Variants in TCF4 observed in about 807,000 individuals in gnomAD.
TCF4 encodes the protein SL3-3 enhancer factor 2.
In TCF4, 3 loss-of-function variants were observed where a neutral mutation model predicts 82.1. The observed-to-expected ratio is 0.04, with a 90% CI of 0.02 to 0.09. The LOEUF is 0.09. TCF4 is among the 10% of genes least tolerant of loss of function. TCF4 has a pLI of 1.00. For missense variants in TCF4, 518 were observed against 852.7 expected (o/e 0.61, Z 4.89); for synonymous variants, 276 against 309.6 (o/e 0.89, Z 1.14).
chr18:55,509,340 C>T (rs1399790245), intron 3 of TCF4, among the ~76,000 whole-genome samples: 14 of 152,060 alleles, frequency 9.2e-5, no homozygotes, highest in Admixed American at 9.2e-4. Context: ...GACAGACACA[C>T]ACACACACAC....
chr18:55,633,883 A>C lies in TCF4; in HGVS notation c.195+1820T>G, dbSNP rs1349243218. On this transcript the variant is annotated intron_variant, in intron 1 of 20. Coordinates refer to the TCF4 transcript ENST00000398339. The surrounding 1 kb of genome is among the most constrained non-coding windows in gnomAD (Gnocchi z 4.0). ...AAAGGCTAAAAACCAAACCAAAACA[A>C]AAAAGGCACAAAACAACAACAACAA... Among the ~76,000 whole-genome samples, 1 of 140,998 alleles carries C rather than the reference A, an allele frequency of 7.1e-6. No homozygotes were observed. Among genetic ancestry groups the C allele is most frequent in the African/African-American group, 2.5e-5 (1 of 40,258 alleles). The allele number at this position is 140,998 out of a possible 152,430, so 92.5% of individuals were successfully genotyped here. A position where few individuals can be genotyped will look rare whatever the true frequency, so the allele number is the denominator to read the frequency against.
intron 6 of TCF4, among the ~76,000 whole-genome samples, chr18:55,369,165 T>C (rs2088165682): frequency 6.6e-6 from 1 of 152,192 alleles, no homozygotes; most frequent in Non-Finnish European, 1.5e-5. Flanking sequence ...TATTGAAACC[T>C]TCCCTAATGA....
At chr18:55,442,730 C>T (rs1405628335) in intron 5 of TCF4, among the ~76,000 whole-genome samples, 2 of 152,202 alleles carry the variant, frequency 1.3e-5, no homozygotes, top group Admixed American at 6.5e-5. Flanking sequence ...TAGCTTCCCT[C>T]TTCCGTCACA....
intron 3 of TCF4, among the ~76,000 whole-genome samples, chr18:55,536,055 T>C (rs1043720347): frequency 3.3e-5 from 5 of 152,224 alleles, no homozygotes; most frequent in African/African-American, 7.2e-5. Context: ...CGGACTAGCC[T>C]GGACCCAATA....
chr18:55,275,905 C>T (rs1194861020), intron 9 of TCF4, among the ~76,000 whole-genome samples, 153 bp from the exon 10 acceptor site: 1 of 152,132 alleles, frequency 6.6e-6, no homozygotes, highest in Non-Finnish European at 1.5e-5. Flanking sequence ...ATCATTTCTT[C>T]CCAAGTGGCT....
chr18:55,423,822 C>T (rs1373068426), intron 5 of TCF4, among the ~76,000 whole-genome samples: 2 of 152,148 alleles, frequency 1.3e-5, no homozygotes, highest in Non-Finnish European at 2.9e-5. Context: ...GCCTACACTC[C>T]AACTGACGTC....
chr18:55,332,152 C>G (rs1187380102), intron 8 of TCF4: 1 of 152,058 alleles, frequency 6.6e-6, no homozygotes, highest in South Asian at 2.1e-4. Flanking sequence ...CAATTATAAA[C>G]ATTTTCTTAG....
intron 6 of TCF4, among the ~76,000 whole-genome samples, chr18:55,377,867 C>T (rs908385621): frequency 1.3e-5 from 2 of 152,304 alleles, no homozygotes; most frequent in South Asian, 2.1e-4. Context: ...GAATCTTTGC[C>T]ACCATTAACT....
At chr18:55,583,483 C>T (rs577567360) in intron 3 of TCF4, among the ~76,000 whole-genome samples, 1 of 152,170 alleles carries the variant, frequency 6.6e-6, no homozygotes, top group Admixed American at 6.5e-5. Flanking sequence ...AACATCACAG[C>T]AAGAACTTTA....
chr18:55,233,007 T>C (rs1194559878), intron 16 of TCF4, among the ~76,000 whole-genome samples: 11 of 152,362 alleles, frequency 7.2e-5, no homozygotes, highest in Middle Eastern at 6.8e-3. Flanking sequence ...TCAGCTATTA[T>C]ATTGAGTTTC....
chr18:55,241,937 C>G (rs2051363067), intron 15 of TCF4, among the ~76,000 whole-genome samples: 1 of 152,190 alleles, frequency 6.6e-6, no homozygotes, highest in African/African-American at 2.4e-5. Context: ...ACCTAGACTC[C>G]CAGGACCAAT....
chr18:55,432,508 C>A (rs564381911), intron 5 of TCF4, among the ~76,000 whole-genome samples: 1 of 152,034 alleles, frequency 6.6e-6, no homozygotes, highest in Non-Finnish European at 1.5e-5. Context: ...CCATCCCACA[C>A]ACACAGAAAG....
intron 3 of TCF4, among the ~76,000 whole-genome samples, chr18:55,477,810 A>C (rs1440420756): frequency 6.6e-6 from 1 of 152,230 alleles, no homozygotes. Flanking sequence ...GAACGCATCA[A>C]CTGATGATTT....
intron 8 of TCF4, among the ~76,000 whole-genome samples, chr18:55,280,716 T>C (rs1449481489): frequency 1.3e-5 from 2 of 151,844 alleles, no homozygotes; most frequent in African/African-American, 4.8e-5. Flanking sequence ...CAGGTCACAG[T>C]AAAAGGAAAA....
chr18:55,248,594 T>G (rs1409349953), intron 15 of TCF4, among the ~76,000 whole-genome samples: 1 of 152,240 alleles, frequency 6.6e-6, no homozygotes, highest in Non-Finnish European at 1.5e-5. Context: ...AGAGTTTTCT[T>G]GGATTTCATT....
intron 3 of TCF4, among the ~76,000 whole-genome samples, chr18:55,491,384 C>A (rs1328835084): frequency 6.6e-6 from 1 of 152,148 alleles, no homozygotes; most frequent in African/African-American, 2.4e-5. Context: ...CCTGTCACTG[C>A]AAAATTCAAC....
intron 2 of TCF4, among the ~76,000 whole-genome samples, chr18:55,612,681 C>G (rs1444741466): frequency 6.6e-6 from 1 of 152,030 alleles, no homozygotes; most frequent in African/African-American, 2.4e-5. Context: ...ATATAGTTAG[C>G]CAGGCCCGGT....
At chr18:55,417,558 G>C (rs1476381913) in intron 5 of TCF4, among the ~76,000 whole-genome samples, 1 of 152,108 alleles carries the variant, frequency 6.6e-6, no homozygotes, top group Non-Finnish European at 1.5e-5. Context: ...TGAATGAATG[G>C]ACTGGACTGA....
chr18:55,613,882 T>C (rs889533130), intron 2 of TCF4, among the ~76,000 whole-genome samples: 2 of 152,194 alleles, frequency 1.3e-5, no homozygotes, highest in East Asian at 1.9e-4. Context: ...ACAATTTGTT[T>C]ATCCATTTAC....
Sources: gnomAD v4.1 joint callset for allele counts (sites outside exome capture counted in the v4.1 genomes callset) on GRCh38, gnomAD v4.1.1 for gene constraint, Gnocchi (gnomAD v3.1) non-coding constraint, MANE v1.5 for transcripts, NCBI Gene and HGNC (gene_info 2026-07-23, HGNC 2026-07-21) for gene names.